DENND4A: variants seen among roughly 807,000 people sequenced by gnomAD.
DENND4A encodes C-myc promoter-binding protein.
DENND4A carries 70 observed loss-of-function variants against 199.3 expected under a neutral mutation model. That is an observed-to-expected ratio of 0.35 (90% confidence interval 0.29 to 0.43). The LOEUF is 0.43. Among genes scored for constraint, DENND4A ranks in the 20% least tolerant of loss-of-function variants. The pLI is 1.00. For missense variants in DENND4A, 1,723 were observed against 2,255.8 expected, an observed-to-expected ratio of 0.76 and a Z score of 4.78; for synonymous variants, 686 against 766.9, an observed-to-expected ratio of 0.89 and a Z score of 1.74.
At chr15:65,704,066 G>C (rs971012241) in intron 15 of DENND4A, among the ~76,000 whole-genome samples, 5 of 152,148 alleles carry the variant, frequency 3.3e-5, no homozygotes, top group African/African-American at 1.2e-4. Context: ...GAAAATATTA[G>C]TAATGATTCA....
chr15:65,789,957 AC>A (rs1370776827), intron 1 of DENND4A, among the ~76,000 whole-genome samples: 5 of 152,168 alleles, frequency 3.3e-5, no homozygotes, highest in African/African-American at 1.2e-4. Flanking sequence ...CGAGTTCAAA[AC>A]CAGTCTGGGC....
At chr15:65,790,948 G>A (rs1362372468) in intron 1 of DENND4A, among the ~76,000 whole-genome samples, 1 of 152,210 alleles carries the variant, frequency 6.6e-6, no homozygotes, top group Non-Finnish European at 1.5e-5. Flanking sequence ...CCCCCAAGGA[G>A]AGAAGAGGTA....
chr15:65,745,385 T>G (rs537661510), intron 4 of DENND4A, among the ~76,000 whole-genome samples: 1 of 152,322 alleles, frequency 6.6e-6, no homozygotes, highest in East Asian at 1.9e-4. Flanking sequence ...TAATATAGTT[T>G]AATGAATTAT....
At position 65,668,175 on chromosome 15, in the gene DENND4A, TTCA is replaced by T; in HGVS notation, c.4788-55_4788-53del. 1.1e-5 allele frequency: 14 copies of T among 1,321,312 alleles called. No individual in the cohort carries two copies. In the South Asian group the frequency reaches 1.9e-4, roughly 18 times the overall value. The allele number at this position is 1,321,312 out of a possible 1,614,324, so 81.8% of individuals were successfully genotyped here. On this transcript the variant is annotated intron_variant, in intron 27 of 32. Transcript: ENST00000443035. ...GTATCAGTGTCTAGATTTACTTTAC[TTCA>T]TCAACAAGGATCATGTTCTCTCTCT... is the stretch of plus-strand genomic sequence containing the variant.
At chr15:65,696,868 T>G (rs1185820971) in intron 21 of DENND4A, 1 of 326,262 alleles carries the variant, frequency 3.1e-6, no homozygotes, top group African/African-American at 2.2e-5. Context: ...CGTAACAAGG[T>G]TCAAGGGTGG....
At chr15:65,740,446 C>CT (rs1010260822) in intron 5 of DENND4A, among the ~76,000 whole-genome samples, 2 of 136,370 alleles carry the variant, frequency 1.5e-5, no homozygotes, top group African/African-American at 5.6e-5. Context: ...TCCATCTCTA[C>CT]TAAAAAAAAA....
rs368095629 is a variant in DENND4A at position 65,756,428 on chromosome 15, C to T, written c.23G>A (p.Arg8His). ...TGCTACAACAAAGTAGTCAGCAACA[C>T]GAGGCCCCTTGTCTTCAATCATCTT... MIEDKGP[R>H]VADYFVVAGL... Residue 8 changes from arginine (R) to histidine (H), a missense_variant, in exon 3 of 33, where the codon CGT becomes CAT. Transcript: ENST00000443035. 15 of 1,610,286 alleles carry T rather than the reference C, an allele frequency of 9.3e-6. No homozygotes were observed. The highest frequency in any genetic ancestry group is 4.5e-5 in the East Asian group (2 of 44,862).
chr15:65,718,225 CA>C (rs1016899762), intron 12 of DENND4A, among the ~76,000 whole-genome samples: 30 of 151,858 alleles, frequency 2.0e-4, no homozygotes, highest in African/African-American at 6.8e-4. Flanking sequence ...TCACTACCAC[CA>C]GGAAAAAAAA....
chr15:65,718,241 C>T (rs1326697325), intron 12 of DENND4A, among the ~76,000 whole-genome samples: 1 of 152,004 alleles, frequency 6.6e-6, no homozygotes, highest in Non-Finnish European at 1.5e-5. Flanking sequence ...AAAAAAAGCT[C>T]AGGTCGGTCA....
intron 14 of DENND4A, 36 bp from the exon 15 acceptor site, chr15:65,706,260 A>G: frequency 6.9e-7 from 1 of 1,447,668 alleles, no homozygotes; most frequent in East Asian, 2.7e-5. Flanking sequence ...TAAAAAAGCC[A>G]CATTGGTTAG....
intron 1 of DENND4A, among the ~76,000 whole-genome samples, chr15:65,769,133 A>G (rs955773867): frequency 6.6e-6 from 1 of 151,988 alleles, no homozygotes; most frequent in African/African-American, 2.4e-5. Flanking sequence ...ATGAGTTTTC[A>G]TGCATATAAA....
At chr15:65,775,387 T>C (rs189435517) in intron 1 of DENND4A, among the ~76,000 whole-genome samples, 28 of 150,580 alleles carry the variant, frequency 1.9e-4, no homozygotes, top group Admixed American at 3.3e-4. Flanking sequence ...ACGTCTGTAA[T>C]CCCAGCACTT....
At chr15:65,680,076 T>C (rs1350229328) in intron 23 of DENND4A, among the ~76,000 whole-genome samples, 1 of 152,212 alleles carries the variant, frequency 6.6e-6, no homozygotes, top group African/African-American at 2.4e-5. Flanking sequence ...TTTTCACAAC[T>C]ACTCCTGCAA....
chr15:65,774,318 C>T (rs1263151926), intron 1 of DENND4A, among the ~76,000 whole-genome samples: 1 of 152,050 alleles, frequency 6.6e-6, no homozygotes, highest in Non-Finnish European at 1.5e-5. Flanking sequence ...TGGAGAAACC[C>T]AGTCTCTACT....
At chr15:65,686,675 C>T (rs2076793867) in intron 23 of DENND4A, among the ~76,000 whole-genome samples, 1 of 152,106 alleles carries the variant, frequency 6.6e-6, no homozygotes, top group Non-Finnish European at 1.5e-5. Flanking sequence ...GTAGCTGGAA[C>T]TACAGGAACA....
At chr15:65,723,655 G>T (rs145714465) in intron 11 of DENND4A, among the ~76,000 whole-genome samples, 149 of 152,152 alleles carry the variant, frequency 9.8e-4, no homozygotes, top group Middle Eastern at 3.4e-3. Context: ...TATTTACTAT[G>T]TTTTTTCCCA....
In DENND4A at chr15:65,722,879, T is replaced by C. The variant is rs749899568; in HGVS notation, c.1557A>G (p.Thr519=). ...CCAATTGCTGATGCAAATTATTCAGTGTGTTCATCAGATTTTTACATGGCT... is the reference window on the plus strand; with the variant it reads ...CCAATTGCTGATGCAAATTATTCAGCGTGTTCATCAGATTTTTACATGGCT... ...PKKPCKNLMN[T]LNNLHQQLAK... The change falls in exon 12 of 33, where the codon ACA becomes ACG. Residue 519 remains threonine, a synonymous_variant. Coordinates refer to ENST00000443035, the MANE Select transcript of DENND4A (RefSeq NM_001320835.1). 13 of 1,608,964 alleles carry C rather than the reference T, an allele frequency of 8.1e-6. No individual in the cohort carries two copies. Among genetic ancestry groups the C allele is most frequent in the South Asian group, 1.1e-5 (1 of 89,842 alleles).
rs1243006251 is a variant in DENND4A at position 65,737,721 on chromosome 15, G to T, written c.1026C>A (p.Val342=). The change falls in exon 7 of 33, where the codon GTC becomes GTA. Residue 342 remains valine (V), a synonymous_variant. Transcript: ENST00000443035. ...ACTTAACTTACTTCTCAATTGGAAGGACATGAGGCCCAGAGATGGAATAAC... is the reference window on the plus strand; with the variant it reads ...ACTTAACTTACTTCTCAATTGGAAGTACATGAGGCCCAGAGATGGAATAAC... ...LYRYSISGPH[V]LPIEKHISHF... The T allele has an allele frequency of 2.5e-6, 4 of 1,574,184 alleles. No individual in the cohort carries two copies. In the Admixed American group the frequency reaches 5.6e-5, roughly 22 times the overall value.
chr15:65,720,947 T>TTATATATATATATATATATA (rs72498783), intron 12 of DENND4A, among the ~76,000 whole-genome samples: 891 of 75,682 alleles, frequency 0.012, 43 homozygotes, highest in Non-Finnish European at 0.017. Flanking sequence ...GTTTCATTGA[T>TTATATATATATATATATATA]TATATATATA....
Sources: allele counts gnomAD v4.1 joint callset (sites outside exome capture counted in the v4.1 genomes callset), GRCh38; gene constraint gnomAD v4.1.1; transcripts MANE v1.5; gene names NCBI Gene and HGNC (gene_info 2026-07-23, HGNC 2026-07-21).